The following COL19A1 variants were observed in gnomAD, a reference collection of about 807,000 sequenced individuals.
The protein encoded by COL19A1 is collagen alpha-1(XIX) chain.
In COL19A1, 159 loss-of-function variants were observed where a neutral mutation model predicts 190.2. That is an observed-to-expected ratio of 0.84 (90% CI 0.73 to 0.95). COL19A1 has a LOEUF of 0.95. COL19A1 is among the 40% of genes least tolerant of loss of function. The pLI, the probability that COL19A1 is intolerant of heterozygous loss-of-function variation, is 0.00. For synonymous variants in COL19A1, 509 were observed against 458.9 expected (o/e 1.11, Z -1.39); for missense variants, 1,418 against 1,431.9 (o/e 0.99, Z 0.16).
At chr6:70,072,151 G>C (rs1393782311) in intron 15 of COL19A1, among the ~76,000 whole-genome samples, 1 of 152,124 alleles carries the variant, frequency 6.6e-6, no homozygotes, top group Non-Finnish European at 1.5e-5. Context: ...ATATTAATGA[G>C]AAACATTGCA....
At chr6:69,952,489 A>G (rs924440944) in intron 9 of COL19A1, among the ~76,000 whole-genome samples, 2 of 146,822 alleles carry the variant, frequency 1.4e-5, no homozygotes, top group African/African-American at 5.3e-5. Context: ...TTATAAAAAT[A>G]TAAAATAAAT....
At chr6:69,932,690 CT>C (rs1433333324) in intron 6 of COL19A1, 92 bp from the exon 7 acceptor site, 2 of 660,160 alleles carry the variant, frequency 3.0e-6, no homozygotes, top group African/African-American at 3.7e-5. Flanking sequence ...TATTAGCTTC[CT>C]TTTTCTTTCT....
chr6:70,176,213 T>C lies in COL19A1; in HGVS notation c.2623-307T>C, dbSNP rs146714958. Among the ~76,000 whole-genome samples, 1,124 of 152,320 alleles carry C rather than the reference T, an allele frequency of 7.4e-3. 9 individuals carry two copies. Among genetic ancestry groups the C allele is most frequent in the Non-Finnish European group, 0.011 (731 of 68,026 alleles). On this transcript the variant is annotated intron_variant, in intron 41 of 50. Transcript: ENST00000620364. Reference sequence around the variant, plus strand: ...CATGTAGAATAAAAATATTGACTAATTTAACTATAAGTATGTAAGGGGACA... The same window carrying C: ...CATGTAGAATAAAAATATTGACTAACTTAACTATAAGTATGTAAGGGGACA...
At chr6:69,907,222 C>T (rs561349220) in intron 4 of COL19A1, among the ~76,000 whole-genome samples, 35 of 151,412 alleles carry the variant, frequency 2.3e-4, no homozygotes, top group South Asian at 1.9e-3. Context: ...CTCCACCTCC[C>T]GGTTTCAAAC....
At chr6:70,130,648 A>T (rs1161075295) in intron 18 of COL19A1, among the ~76,000 whole-genome samples, 2 of 152,222 alleles carry the variant, frequency 1.3e-5, no homozygotes, top group African/African-American at 2.4e-5. Context: ...TCCAGCCTGC[A>T]GTGGGCAGGG....
intron 15 of COL19A1, among the ~76,000 whole-genome samples, chr6:70,079,144 T>C (rs961111088): frequency 6.6e-6 from 1 of 152,196 alleles, no homozygotes; most frequent in African/African-American, 2.4e-5. Context: ...AAATGGCTGA[T>C]GGGAGTGACA....
intron 11 of COL19A1, among the ~76,000 whole-genome samples, chr6:69,986,385 T>A (rs1347575418): frequency 2.0e-5 from 3 of 152,018 alleles, no homozygotes; most frequent in Non-Finnish European, 4.4e-5. Flanking sequence ...GCATTGGGTA[T>A]AAATTATGTC....
intron 14 of COL19A1, among the ~76,000 whole-genome samples, chr6:70,039,762 T>G (rs1185483990): frequency 2.8e-5 from 3 of 107,328 alleles, no homozygotes; most frequent in African/African-American, 9.6e-5. Context: ...GAAGTATTGT[T>G]TTTTTTTTTT....
intron 7 of COL19A1, among the ~76,000 whole-genome samples, chr6:69,933,610 A>T (rs1031947252): frequency 1.3e-5 from 2 of 152,062 alleles, no homozygotes; most frequent in Non-Finnish European, 2.9e-5. Flanking sequence ...ACCTAACCAT[A>T]CAACTGTTAC....
At chr6:70,151,344 G>A in intron 30 of COL19A1, 53 bp from the exon 31 acceptor site, 2 of 1,538,654 alleles carry the variant, frequency 1.3e-6, no homozygotes, top group South Asian at 2.3e-5. Flanking sequence ...TGTTTATATT[G>A]TATTGTGTTC....
intron 11 of COL19A1, among the ~76,000 whole-genome samples, chr6:70,019,101 T>A (rs545644702): frequency 1.3e-5 from 2 of 152,236 alleles, no homozygotes; most frequent in South Asian, 2.1e-4. Flanking sequence ...TGGTAGAAGA[T>A]GAAATTGAAC....
intron 25 of COL19A1, among the ~76,000 whole-genome samples, chr6:70,145,857 A>G (rs1366722419): frequency 1.3e-5 from 2 of 151,668 alleles, no homozygotes; most frequent in Admixed American, 6.6e-5. Flanking sequence ...AATAGTGGTG[A>G]CAACAGGCAC....
intron 25 of COL19A1, among the ~76,000 whole-genome samples, chr6:70,145,737 TTGAGACAGGGTCTTAATC>T (rs1317162332): frequency 6.6e-6 from 1 of 150,750 alleles, no homozygotes; most frequent in Admixed American, 6.6e-5. Context: ...TTTTTTTTTT[TTGAGACAGGGTCTTAATC>T]TGTCACCCAG....
intron 11 of COL19A1, among the ~76,000 whole-genome samples, chr6:69,984,110 T>C (rs1172051365): frequency 2.0e-5 from 3 of 152,146 alleles, no homozygotes; most frequent in Non-Finnish European, 4.4e-5. Context: ...TTTTACATTA[T>C]GGGTTTAATT....
Position 70,161,818 on chromosome 6 carries a change from C to T in COL19A1, c.2293-82C>T, listed in dbSNP as rs565499171. The T allele has an allele frequency of 1.5e-4, 154 of 1,056,870 alleles. 1 individual carries two copies. In the African/African-American group the frequency reaches 2.4e-3, roughly 17 times the overall value. 65.5% of individuals were successfully genotyped at this position (1,056,870 alleles called of 1,614,324 possible). A position where few individuals can be genotyped will look rare whatever the true frequency, so the allele number is the denominator to read the frequency against. ...ATTAGCTAAATAAGTGTTTAATGTT[C>T]AATGGTCAAAATATTTGATTAACTA... is the stretch of plus-strand genomic sequence containing the variant. On this transcript the variant is annotated intron_variant, in intron 34 of 50. Coordinates refer to ENST00000620364, the MANE Select transcript of COL19A1 (RefSeq NM_001858.6).
At chr6:70,168,854 G>T (rs1200322437) in intron 40 of COL19A1, among the ~76,000 whole-genome samples, 173 bp downstream of exon 40, 1 of 152,172 alleles carries the variant, frequency 6.6e-6, no homozygotes, top group Non-Finnish European at 1.5e-5. Flanking sequence ...TTTCTGAGAT[G>T]CATTAGTCCT....
chr6:70,098,812 C>A (rs549080358), intron 15 of COL19A1: 3 of 170,094 alleles, frequency 1.8e-5, no homozygotes, highest in African/African-American at 4.8e-5. Context: ...GTATTCGGTG[C>A]AGCTTGGGGC....
At chr6:70,196,839 C>T (rs1028999180) in intron 48 of COL19A1, among the ~76,000 whole-genome samples, 7 of 152,086 alleles carry the variant, frequency 4.6e-5, no homozygotes, top group Non-Finnish European at 1.0e-4. Context: ...GAATAAAGGC[C>T]TTTACAATTC....
chr6:69,962,124 C>T (rs1432746859), intron 10 of COL19A1, among the ~76,000 whole-genome samples: 1 of 152,182 alleles, frequency 6.6e-6, no homozygotes, highest in Middle Eastern at 3.2e-3. Context: ...AGGAGGCACT[C>T]AGTCAACTTT....
Sources: allele counts gnomAD v4.1 joint callset (sites outside exome capture counted in the v4.1 genomes callset), GRCh38; gene constraint gnomAD v4.1.1; transcripts MANE v1.5; gene names NCBI Gene and HGNC (gene_info 2026-07-23, HGNC 2026-07-21).